The following MAMLD1 variants were observed in gnomAD, a reference collection of about 807,000 sequenced individuals.
MAMLD1 encodes the protein mastermind like domain containing 1.
Under a neutral mutation model 45.0 loss-of-function variants are expected in MAMLD1, and 14 were observed. That is an observed-to-expected ratio of 0.31 (90% CI 0.21 to 0.49). The LOEUF (loss-of-function observed/expected upper bound fraction) is 0.49, where lower values mean the gene tolerates loss of function less well. MAMLD1 is among the 20% of genes least tolerant of loss of function. The probability of loss-of-function intolerance (pLI) is 0.99; values close to 1 mark genes in which losing one functional copy is unlikely to be tolerated. For missense variants in MAMLD1, 543 were observed against 603.6 expected, an observed-to-expected ratio of 0.90 and a Z score of 1.05; for synonymous variants, 254 against 247.8, an observed-to-expected ratio of 1.02 and a Z score of -0.24.
chrX:150,490,513 T>C (rs943888284), intron 5 of MAMLD1, among the ~76,000 whole-genome samples: 2 of 112,329 alleles, frequency 1.8e-5, no homozygotes, highest in Admixed American at 1.9e-4. Flanking sequence ...GCCTCGGAGT[T>C]GGGGCAGACT....
intron 1 of MAMLD1, among the ~76,000 whole-genome samples, chrX:150,430,490 T>C (rs1327640992): frequency 1.8e-5 from 2 of 111,945 alleles, no homozygotes; most frequent in African/African-American, 6.5e-5. Flanking sequence ...GTCTAGTTTA[T>C]GAATTTTTCC....
chrX:150,415,810 A>G (rs1166363321), intron 1 of MAMLD1, among the ~76,000 whole-genome samples: 11 of 112,398 alleles, frequency 9.8e-5, no homozygotes, highest in Non-Finnish European at 1.3e-4. Context: ...CCCAAAATGG[A>G]GTTAAATATT....
intron 6 of MAMLD1, among the ~76,000 whole-genome samples, chrX:150,506,874 G>A (rs1345815415): frequency 8.9e-6 from 1 of 112,556 alleles, no homozygotes; most frequent in African/African-American, 3.2e-5. Context: ...ACAGGTGGGG[G>A]CTTTACAGCT....
chrX:150,489,089 A>G (rs782576319), intron 5 of MAMLD1, among the ~76,000 whole-genome samples: 1 of 112,436 alleles, frequency 8.9e-6, no homozygotes, highest in East Asian at 2.8e-4. Context: ...AGCCCAAGAA[A>G]TCTACAGAAT....
rs1389502090 is a variant in MAMLD1 at position 150,387,171 on chromosome X, A to G, written c.-64+23641A>G. 2.7e-5 allele frequency among the ~76,000 whole-genome samples: 3 copies of G among 111,705 alleles called. No individual in the cohort carries two copies. The East Asian group carries it at 8.4e-4, about 31-fold the overall frequency. ...TTAACTGATTGCTTTTCTCAATCTAAGGATTATATAGTTTTAGTATAAATA... is the reference window on the plus strand; with the variant it reads ...TTAACTGATTGCTTTTCTCAATCTAGGGATTATATAGTTTTAGTATAAATA... On this transcript the variant is annotated intron_variant, in intron 1 of 7. Transcript: ENST00000370401.
chrX:150,507,749 C>A (rs1557408911), intron 6 of MAMLD1, among the ~76,000 whole-genome samples: 1 of 112,448 alleles, frequency 8.9e-6, no homozygotes, highest in African/African-American at 3.2e-5. Context: ...CCTGCCCTGC[C>A]CCGGCGTGGC....
At position 150,513,604 on chromosome X, in the gene MAMLD1, G is replaced by A. The variant is rs1284345795; in HGVS notation, c.*1645G>A. Reference sequence around the variant, plus strand: ...TTGTGTGATTCTTAATCTCTTTTGCGAACCTTTCAGTCTCCGCTAGCTCTT... The same window carrying A: ...TTGTGTGATTCTTAATCTCTTTTGCAAACCTTTCAGTCTCCGCTAGCTCTT... On this transcript the variant is annotated 3_prime_UTR_variant, in exon 8 of 8. Transcript: ENST00000370401. The A allele has an allele frequency of 1.7e-5, 5 of 296,837 alleles. No individual in the cohort carries two copies. The highest frequency in any genetic ancestry group is 4.8e-5 in the East Asian group (1 of 20,992). 24.5% of individuals were successfully genotyped at this position (296,837 alleles called of 1,213,427 possible).
rs782275708 is a variant in MAMLD1, at chrX:150,406,092, T to G, written c.-63-39362T>G. On this transcript the variant is annotated intron_variant, in intron 1 of 7. Transcript: ENST00000370401. The stretch of plus-strand genomic sequence containing the variant: ...GGCCAGGCATATGTGCTGTGTGTCT[T>G]TCGCATCATGCTAAGAACTATGACA... Among the ~76,000 whole-genome samples the G allele has an allele frequency of 2.0e-3, 221 of 111,581 alleles. 1 individual carries two copies. Among genetic ancestry groups the G allele is most frequent in the Non-Finnish European group, 3.4e-3 (180 of 53,070 alleles).
At chrX:150,451,639 A>G (rs1557405070) in intron 2 of MAMLD1, among the ~76,000 whole-genome samples, 1 of 111,471 alleles carries the variant, frequency 9.0e-6, no homozygotes, top group Non-Finnish European at 1.9e-5. Context: ...CGCAGTTGAT[A>G]TAGAATAATT....
Position 150,462,685 on chromosome X carries a change from A to G in MAMLD1, c.97-87A>G, listed in dbSNP as rs2036085344. On this transcript the variant is annotated intron_variant, in intron 2 of 7. Coordinates refer to ENST00000370401, the MANE Select transcript of MAMLD1 (RefSeq NM_005491.5). ...ATAATTTGATTCAAGTAACAGTCTG[A>G]TCTGTGCCTCTCACTGAGCTGGTGC... 3 of 624,226 alleles carry G rather than the reference A, an allele frequency of 4.8e-6. No homozygotes were observed. The South Asian group carries it at 6.6e-5, about 14-fold the overall frequency. The allele number at this position is 624,226 out of a possible 1,213,427, so 51.4% of individuals were successfully genotyped here.
rs1347726597 is a variant in MAMLD1 at position 150,473,580 on chromosome X, G to T, written c.1918-100G>T. 2.1e-5 allele frequency: 17 copies of T among 815,103 alleles called. No individual in the cohort carries two copies. In the Admixed American group the frequency reaches 2.4e-4, roughly 12 times the overall value. The allele number at this position is 815,103 out of a possible 1,213,427, so 67.2% of individuals were successfully genotyped here. A position where few individuals can be genotyped will look rare whatever the true frequency, so the allele number is the denominator to read the frequency against. ...AGCTCCCATGGGGGTGGCCGGGGGA[G>T]CGGTGTGGAGATAGGCAAAGCACAT... On this transcript the variant is annotated intron_variant, in intron 4 of 7. Transcript: ENST00000370401.
chrX:150,431,230 G>A (rs1557404046), intron 1 of MAMLD1, among the ~76,000 whole-genome samples: 3 of 111,559 alleles, frequency 2.7e-5, no homozygotes, highest in African/African-American at 9.8e-5. Context: ...ATGTCTGTGT[G>A]TTCATTGCTA....
chrX:150,487,839 G>T (rs994258564), intron 5 of MAMLD1, among the ~76,000 whole-genome samples: 1 of 112,278 alleles, frequency 8.9e-6, no homozygotes, highest in Non-Finnish European at 1.9e-5. Context: ...CCTCACTGAC[G>T]TGCTCCACCA....
intron 1 of MAMLD1, among the ~76,000 whole-genome samples, chrX:150,414,886 C>T (rs1325757470): frequency 9.0e-6 from 1 of 111,702 alleles, no homozygotes; most frequent in Non-Finnish European, 1.9e-5. Flanking sequence ...TTTTTGACAA[C>T]CCTTAAGCAT....
intron 6 of MAMLD1, among the ~76,000 whole-genome samples, chrX:150,506,941 A>G (rs1425060467): frequency 4.4e-5 from 5 of 112,505 alleles, no homozygotes; most frequent in African/African-American, 1.6e-4. Context: ...CAAGGTTGCC[A>G]TCTTGGCTGA....
intron 5 of MAMLD1, among the ~76,000 whole-genome samples, chrX:150,502,114 G>A (rs2037573580): frequency 8.8e-6 from 1 of 113,028 alleles, no homozygotes; most frequent in African/African-American, 3.2e-5. Flanking sequence ...AAATTCAGTG[G>A]TGGCAATTTT....
chrX:150,508,582 C>T (rs927295063), intron 6 of MAMLD1, among the ~76,000 whole-genome samples: 6 of 112,630 alleles, frequency 5.3e-5, no homozygotes, highest in African/African-American at 1.9e-4. Context: ...GTCCTCTCTG[C>T]CTTGGCAGGA....
At chrX:150,447,482 C>A (rs2035527874) in intron 2 of MAMLD1, among the ~76,000 whole-genome samples, 1 of 112,056 alleles carries the variant, frequency 8.9e-6, no homozygotes, top group South Asian at 3.8e-4. Flanking sequence ...ATTGAGAGAG[C>A]CCACTCCTTT....
intron 1 of MAMLD1, among the ~76,000 whole-genome samples, chrX:150,398,312 AAG>A (rs1557402328): frequency 1.0e-5 from 1 of 100,473 alleles, no homozygotes; most frequent in East Asian, 3.1e-4. Context: ...GAAGAAGAAG[AAG>A]AAGAAGAAGA....
Sources: allele counts gnomAD v4.1 joint callset (sites outside exome capture counted in the v4.1 genomes callset), GRCh38; gene constraint gnomAD v4.1.1; transcripts MANE v1.5; gene names NCBI Gene and HGNC (gene_info 2026-07-23, HGNC 2026-07-21).